The following SNX7 variants were observed in gnomAD, a reference collection of about 807,000 sequenced individuals.
SNX7 encodes sorting nexin 7.
In SNX7, 35 loss-of-function variants were observed where a neutral mutation model predicts 48.4. That is an observed-to-expected ratio of 0.72 (90% CI 0.55 to 0.96). SNX7 has a LOEUF of 0.96. Ranked by LOEUF, SNX7 falls within the 40% of genes least tolerant of loss-of-function variation. SNX7 has a pLI of 0.00. For missense variants in SNX7, 553 were observed against 548.9 expected (o/e 1.01, Z -0.07); for synonymous variants, 190 against 190.2 (o/e 1.00, Z 0.01).
chr1:98,697,795 A>G (rs1014381428), intron 5 of SNX7, among the ~76,000 whole-genome samples: 2 of 152,134 alleles, frequency 1.3e-5, no homozygotes, highest in African/African-American at 4.8e-5. Flanking sequence ...AAGCTCATTG[A>G]GGGCCAAAGC....
At chr1:98,678,221 G>A (rs936913879) in intron 1 of SNX7, among the ~76,000 whole-genome samples, 5 of 152,152 alleles carry the variant, frequency 3.3e-5, no homozygotes, top group African/African-American at 1.2e-4. Flanking sequence ...GCCAGAGAGG[G>A]AGCAAGAGAA....
At chr1:98,710,281 C>G (rs1463720773) in intron 7 of SNX7, among the ~76,000 whole-genome samples, 1 of 152,120 alleles carries the variant, frequency 6.6e-6, no homozygotes, top group Non-Finnish European at 1.5e-5. Context: ...TAAAAATGTA[C>G]AGTCTTGATG....
intron 7 of SNX7, among the ~76,000 whole-genome samples, chr1:98,706,976 A>G (rs1358640481): frequency 6.6e-6 from 1 of 152,200 alleles, no homozygotes; most frequent in African/African-American, 2.4e-5. Context: ...AGGGAGTTAC[A>G]TGTAAAAATT....
intron 7 of SNX7, among the ~76,000 whole-genome samples, chr1:98,717,554 C>A (rs147600644): frequency 6.6e-6 from 1 of 152,126 alleles, no homozygotes; most frequent in Non-Finnish European, 1.5e-5. Flanking sequence ...AAAATACTTA[C>A]CAACATGCTT....
chr1:98,712,109 G>A (rs1228623160), intron 7 of SNX7, among the ~76,000 whole-genome samples: 2 of 152,124 alleles, frequency 1.3e-5, no homozygotes, highest in African/African-American at 4.8e-5. Context: ...CACACCTGCA[G>A]TTACTTCCTC....
intron 1 of SNX7, chr1:98,662,228 C>T (rs1649277218): frequency 1.9e-5 from 4 of 211,400 alleles, no homozygotes; most frequent in East Asian, 9.9e-5. Context: ...CAGACATCTT[C>T]CTCGCGGCAG....
At chr1:98,747,061 A>C (rs754673872) in intron 8 of SNX7, among the ~76,000 whole-genome samples, 2 of 152,120 alleles carry the variant, frequency 1.3e-5, no homozygotes, top group Admixed American at 1.3e-4. Flanking sequence ...GAGTCATATT[A>C]AGGTCCTGTT....
intron 7 of SNX7, among the ~76,000 whole-genome samples, chr1:98,718,295 T>C (rs1652693514): frequency 6.6e-6 from 1 of 152,120 alleles, no homozygotes; most frequent in Non-Finnish European, 1.5e-5. Context: ...TAACACCTTT[T>C]CCACTTTCAC....
intron 8 of SNX7, among the ~76,000 whole-genome samples, chr1:98,745,630 G>A (rs931270593): frequency 6.6e-6 from 1 of 152,070 alleles, no homozygotes; most frequent in Admixed American, 6.6e-5. Flanking sequence ...ACCAGCTTGA[G>A]AGGATAAGAA....
chr1:98,714,913 A>C (rs757008677), intron 7 of SNX7, among the ~76,000 whole-genome samples: 1 of 152,114 alleles, frequency 6.6e-6, no homozygotes, highest in Non-Finnish European at 1.5e-5. Flanking sequence ...TTTTAAATTT[A>C]TTTCCAAGTG....
intron 1 of SNX7, among the ~76,000 whole-genome samples, chr1:98,668,461 T>C (rs188766169): frequency 7.2e-5 from 11 of 152,342 alleles, no homozygotes; most frequent in Admixed American, 5.9e-4. Flanking sequence ...ATGGATTCTT[T>C]GGAATACTGT....
At chr1:98,693,199 TGG>T (rs1651244771) in intron 4 of SNX7, among the ~76,000 whole-genome samples, 2 of 126,766 alleles carry the variant, frequency 1.6e-5, no homozygotes, top group African/African-American at 2.8e-5. Flanking sequence ...GATGGATGGA[TGG>T]ACGGACAGAT....
chr1:98,730,522 A>G (rs1484595814), intron 7 of SNX7, among the ~76,000 whole-genome samples: 1 of 152,098 alleles, frequency 6.6e-6, no homozygotes, highest in African/African-American at 2.4e-5. Flanking sequence ...CTCAGCTGAA[A>G]AGCTTCTTAA....
At chr1:98,698,303 A>T (rs977131168) in intron 5 of SNX7, among the ~76,000 whole-genome samples, 1 of 152,122 alleles carries the variant, frequency 6.6e-6, no homozygotes, top group African/African-American at 2.4e-5. Context: ...ATGGATAGTA[A>T]TTACCACTAA....
chr1:98,668,165 A>G (rs1018077779), intron 1 of SNX7, among the ~76,000 whole-genome samples: 1 of 152,188 alleles, frequency 6.6e-6, no homozygotes, highest in Non-Finnish European at 1.5e-5. Context: ...AAAACAAGGA[A>G]ACTTCAGAAT....
At chr1:98,703,723 T>C (rs1292366726) in intron 7 of SNX7, among the ~76,000 whole-genome samples, 1 of 151,884 alleles carries the variant, frequency 6.6e-6, no homozygotes, top group East Asian at 1.9e-4. Context: ...CTTAACTATA[T>C]ATAGAGAGAG....
chr1:98,730,555 G>C (rs1265563981), intron 7 of SNX7, among the ~76,000 whole-genome samples: 1 of 152,038 alleles, frequency 6.6e-6, no homozygotes, highest in Non-Finnish European at 1.5e-5. Context: ...CTTCAGCAAA[G>C]TCTCAGGATA....
At position 98,691,583 on chromosome 1, in the gene SNX7, G is replaced by A. The variant is rs763747683; in HGVS notation, c.523G>A (p.Asp175Asn). ...IVKGMVERFN[D>N]DFIETRRKAL... is the part of the protein sequence containing the mutation. The stretch of plus-strand genomic sequence containing the variant: ...AAAAGGAATGGTGGAACGCTTTAAC[G>A]ATGACTTCATTGAGACACGCAGGAA... Residue 175 changes from aspartate to asparagine, a missense_variant, in exon 4 of 9, where the codon GAT becomes AAT. By Grantham distance (23) the Asp-to-Asn change is conservative. Transcript: ENST00000306121. 3.7e-6 allele frequency: 6 copies of A among 1,608,424 alleles called. No homozygotes were observed. Among genetic ancestry groups the A allele is most frequent in the Non-Finnish European group, 1.7e-6 (2 of 1,177,440 alleles).
chr1:98,688,959 C>G (rs1342787140), intron 2 of SNX7, among the ~76,000 whole-genome samples: 6 of 152,060 alleles, frequency 3.9e-5, no homozygotes, highest in Admixed American at 6.5e-5. Context: ...GGGTAGAGTA[C>G]AGTGGCGTGA....
Sources: allele counts gnomAD v4.1 joint callset (sites outside exome capture counted in the v4.1 genomes callset), GRCh38; gene constraint gnomAD v4.1.1; transcripts MANE v1.5; gene names NCBI Gene and HGNC (gene_info 2026-07-23, HGNC 2026-07-21).